Variants in ADAM12 observed in about 807,000 individuals in gnomAD.
The protein encoded by ADAM12 is disintegrin and metalloproteinase domain-containing protein 12.
A neutral mutation model predicts 106.4 loss-of-function variants in ADAM12; 70 were observed. The ratio of observed to expected loss-of-function variants is 0.66; its 90% confidence interval spans 0.54 to 0.80. The LOEUF is 0.80. ADAM12 is among the 30% of genes least tolerant of loss of function. The pLI, the probability that ADAM12 is intolerant of heterozygous loss-of-function variation, is 0.00. For synonymous variants in ADAM12, 420 were observed against 433.5 expected, an observed-to-expected ratio of 0.97 and a Z score of 0.39; for missense variants, 1,010 against 1,171.9, an observed-to-expected ratio of 0.86 and a Z score of 2.02.
intron 11 of ADAM12, among the ~76,000 whole-genome samples, chr10:126,082,304 G>T (rs1249068391): frequency 6.6e-6 from 1 of 150,932 alleles, no homozygotes; most frequent in Non-Finnish European, 1.5e-5. Flanking sequence ...ACTGAGCTCA[G>T]AGTGAGACGT....
chr10:126,219,556 A>G (rs1195566549), intron 3 of ADAM12, among the ~76,000 whole-genome samples: 2 of 152,258 alleles, frequency 1.3e-5, no homozygotes, highest in Admixed American at 6.5e-5. Flanking sequence ...CTACGCTATT[A>G]TATTTTAACA....
At chr10:126,061,080 T>C (rs1266197324) in intron 14 of ADAM12, among the ~76,000 whole-genome samples, 8 of 152,190 alleles carry the variant, frequency 5.3e-5, no homozygotes, top group African/African-American at 1.9e-4. Context: ...AAACCACTAT[T>C]CCACGGCAAC....
chr10:126,284,378 T>C (rs952217601), intron 2 of ADAM12, among the ~76,000 whole-genome samples: 4 of 146,250 alleles, frequency 2.7e-5, no homozygotes, highest in Admixed American at 2.7e-4. Flanking sequence ...TTCCACCGTA[T>C]CTGTAGCAGC....
At chr10:126,147,749 T>C (rs1956655983) in intron 4 of ADAM12, among the ~76,000 whole-genome samples, 3 of 152,378 alleles carry the variant, frequency 2.0e-5, no homozygotes, top group South Asian at 2.1e-4. Context: ...ATGTTAATTA[T>C]GTTTGTGCTT....
chr10:126,119,166 G>C (rs1268133171), intron 5 of ADAM12, among the ~76,000 whole-genome samples: 2 of 152,192 alleles, frequency 1.3e-5, no homozygotes, highest in African/African-American at 4.8e-5. Context: ...CCTGTGTTCA[G>C]CTCTTTCTGG....
intron 5 of ADAM12, among the ~76,000 whole-genome samples, chr10:126,130,758 G>A (rs7077471): frequency 0.028 from 4,191 of 152,312 alleles, 151 homozygotes; most frequent in African/African-American, 0.089. Flanking sequence ...AGGGATGGAG[G>A]GTTGTGACTG....
intron 16 of ADAM12, among the ~76,000 whole-genome samples, chr10:126,048,721 CA>C (rs59922804): frequency 0.14 from 20,055 of 140,222 alleles, 1,369 homozygotes; most frequent in Middle Eastern, 0.29. Context: ...TTTTTTCTTC[CA>C]AAAAAAAAAA....
intron 1 of ADAM12, among the ~76,000 whole-genome samples, chr10:126,370,814 T>C (rs1290349257): frequency 1.3e-5 from 2 of 152,188 alleles, no homozygotes; most frequent in Non-Finnish European, 2.9e-5. Context: ...AGTTCAATCC[T>C]GGCTCAGCCT....
chr10:126,211,959 G>A (rs1224662891), intron 3 of ADAM12, among the ~76,000 whole-genome samples: 1 of 152,216 alleles, frequency 6.6e-6, no homozygotes, highest in Non-Finnish European at 1.5e-5. Flanking sequence ...GCTTAGACTG[G>A]AGCAGTTGTG....
chr10:126,103,648 C>T (rs1474738670), intron 8 of ADAM12, among the ~76,000 whole-genome samples: 1 of 152,196 alleles, frequency 6.6e-6, no homozygotes, highest in Non-Finnish European at 1.5e-5. Flanking sequence ...TCTGTGAGCA[C>T]TAAGACTCCC....
intron 2 of ADAM12, among the ~76,000 whole-genome samples, chr10:126,282,522 G>A (rs1222185399): frequency 6.6e-6 from 1 of 152,112 alleles, no homozygotes; most frequent in East Asian, 1.9e-4. Context: ...GCAATACACT[G>A]TTTAGTTTTA....
intron 3 of ADAM12, among the ~76,000 whole-genome samples, chr10:126,266,446 CTGAGCATG>C (rs1959099065): frequency 6.6e-6 from 1 of 152,100 alleles, no homozygotes; most frequent in African/African-American, 2.4e-5. Flanking sequence ...ATGATGAGAC[CTGAGCATG>C]TGATTCCTTT....
At chr10:126,335,713 A>C (rs573417848) in intron 1 of ADAM12, among the ~76,000 whole-genome samples, 1 of 152,094 alleles carries the variant, frequency 6.6e-6, no homozygotes. Context: ...AACCAATAGC[A>C]AAAGTTAAGC....
intron 1 of ADAM12, among the ~76,000 whole-genome samples, chr10:126,369,910 T>G (rs922157199): frequency 3.9e-5 from 6 of 152,190 alleles, no homozygotes; most frequent in African/African-American, 1.2e-4. Context: ...TATAGCAATA[T>G]TCACAGACCA....
chr10:126,222,071 T>A (rs568969602), intron 3 of ADAM12, among the ~76,000 whole-genome samples: 1 of 152,264 alleles, frequency 6.6e-6, no homozygotes, highest in South Asian at 2.1e-4. Context: ...CACTTTGAAC[T>A]ATGATGCTAC....
chr10:126,345,766 T>C (rs931026206), intron 1 of ADAM12, among the ~76,000 whole-genome samples: 14 of 152,292 alleles, frequency 9.2e-5, no homozygotes, highest in African/African-American at 1.7e-4. Context: ...GTGTTTGTGT[T>C]GAGGAATTTA....
intron 6 of ADAM12, among the ~76,000 whole-genome samples, chr10:126,110,658 C>T (rs950984835): frequency 1.3e-5 from 2 of 152,130 alleles, no homozygotes; most frequent in Non-Finnish European, 2.9e-5. Context: ...ATAGGAACCC[C>T]GTCCCCCACA....
chr10:126,191,515 T>G (rs1293096382), intron 3 of ADAM12, among the ~76,000 whole-genome samples: 5 of 150,846 alleles, frequency 3.3e-5, no homozygotes, highest in African/African-American at 1.2e-4. Context: ...GATTCAGGAT[T>G]GATGTGTATA....
intron 3 of ADAM12, among the ~76,000 whole-genome samples, chr10:126,171,828 T>C (rs1957125688): frequency 6.6e-6 from 1 of 152,180 alleles, no homozygotes; most frequent in African/African-American, 2.4e-5. Flanking sequence ...AGAATTCAGA[T>C]GGGATTTATG....
Sources: allele counts gnomAD v4.1 joint callset (sites outside exome capture counted in the v4.1 genomes callset), GRCh38; gene constraint gnomAD v4.1.1; transcripts MANE v1.5; gene names NCBI Gene and HGNC (gene_info 2026-07-23, HGNC 2026-07-21).